Variants in RABGAP1 observed in about 807,000 individuals in gnomAD.
The protein encoded by RABGAP1 is RAB GTPase activating protein 1, also known as rab GTPase-activating protein 1.
A neutral mutation model predicts 137.6 loss-of-function variants in RABGAP1; 23 were observed. The observed-to-expected ratio is 0.17, with a 90% CI of 0.12 to 0.24. The LOEUF (loss-of-function observed/expected upper bound fraction) is 0.24. RABGAP1 is among the 10% of genes least tolerant of loss of function. The pLI is 1.00. For synonymous variants in RABGAP1, 451 were observed against 450.7 expected (o/e 1.00, Z -0.01); for missense variants, 906 against 1,275.8 (o/e 0.71, Z 4.42).
At chr9:123,006,268 T>C (rs1374488044) in intron 10 of RABGAP1, among the ~76,000 whole-genome samples, 1 of 152,190 alleles carries the variant, frequency 6.6e-6, no homozygotes, top group African/African-American at 2.4e-5. Flanking sequence ...CTTTCCTAAC[T>C]CCCAAGTTAC....
At chr9:123,038,867 T>G (rs1354916073) in intron 13 of RABGAP1, among the ~76,000 whole-genome samples, 1 of 152,102 alleles carries the variant, frequency 6.6e-6, no homozygotes, top group Admixed American at 6.5e-5. Flanking sequence ...GGGCATCATA[T>G]AGTAAAAATG....
At chr9:123,027,861 A>G (rs930099474) in intron 13 of RABGAP1, among the ~76,000 whole-genome samples, 1 of 152,218 alleles carries the variant, frequency 6.6e-6, no homozygotes, top group African/African-American at 2.4e-5. Flanking sequence ...CTACATGAAA[A>G]TAGTGGCTGG....
intron 13 of RABGAP1, among the ~76,000 whole-genome samples, chr9:123,047,610 A>G (rs1432683271): frequency 6.6e-6 from 1 of 152,144 alleles, no homozygotes; most frequent in African/African-American, 2.4e-5. Context: ...TTTGATACTT[A>G]TTAAGATTCT....
intron 10 of RABGAP1, among the ~76,000 whole-genome samples, chr9:123,004,391 G>A (rs535731058): frequency 3.4e-4 from 51 of 152,016 alleles, no homozygotes; most frequent in Non-Finnish European, 4.9e-4. Context: ...GGGCTCAAGT[G>A]ATCCTCCTAC....
chr9:123,009,683 CAGTTT>C (rs2030624776), intron 10 of RABGAP1, among the ~76,000 whole-genome samples: 1 of 152,040 alleles, frequency 6.6e-6, no homozygotes, highest in African/African-American at 2.4e-5. Flanking sequence ...TAATTTAGGT[CAGTTT>C]AAATTATATG....
upstream of RABGAP1, among the ~76,000 whole-genome samples, chr9:122,935,951 G>A (rs1244306272): frequency 5.9e-5 from 9 of 152,052 alleles, no homozygotes; most frequent in Admixed American, 5.9e-4. Flanking sequence ...ATTTTTCCAT[G>A]ACAGTTTTTT....
chr9:123,075,096 A>G (rs1416423030), intron 17 of RABGAP1, among the ~76,000 whole-genome samples: 2 of 152,190 alleles, frequency 1.3e-5, no homozygotes, highest in Non-Finnish European at 2.9e-5. Flanking sequence ...TAAGAAAAAC[A>G]TAATTATAAA....
At chr9:123,058,988 A>G (rs1171052147) in intron 13 of RABGAP1, among the ~76,000 whole-genome samples, 1 of 152,154 alleles carries the variant, frequency 6.6e-6, no homozygotes, top group Non-Finnish European at 1.5e-5. Flanking sequence ...GTCAGCAGTG[A>G]CCCTACTTAC....
At chr9:122,934,374 G>A in the RABGAP1 span, among the ~76,000 whole-genome samples, 11,778 of 152,152 alleles carry the variant, frequency 0.077, 1,638 homozygotes, top group East Asian at 0.62. Flanking sequence ...CACCACGCCC[G>A]GCCTCTAACC....
chr9:123,025,477 G>C (rs1588290188), intron 13 of RABGAP1, among the ~76,000 whole-genome samples: 2 of 148,314 alleles, frequency 1.3e-5, no homozygotes, highest in Non-Finnish European at 1.5e-5. Context: ...TTACATACCA[G>C]TTGAAGGTAT....
At chr9:122,966,795 C>A (rs919358039) in intron 2 of RABGAP1, among the ~76,000 whole-genome samples, 3 of 152,170 alleles carry the variant, frequency 2.0e-5, no homozygotes, top group African/African-American at 7.2e-5. Context: ...CAGTTCCACA[C>A]ATCTGGGGAG....
intron 13 of RABGAP1, among the ~76,000 whole-genome samples, chr9:123,040,191 A>G (rs600216): frequency 0.76 from 115,012 of 152,078 alleles, 45,441 homozygotes; most frequent in Middle Eastern, 0.89. Context: ...ACTGTTCTCT[A>G]CTTTATCTGG....
At position 122,996,022 on chromosome 9, in the gene RABGAP1, G is replaced by A; in HGVS notation, c.924-19G>A. On this transcript the variant is annotated intron_variant, in intron 6 of 25. Transcript: ENST00000373647. ...CAAGAAAATGCTTTGCAAAATTAAT[G>A]AAACATGTTGGTCTACAGTGCAGTT... The A allele has an allele frequency of 1.9e-6, 3 of 1,553,948 alleles. No homozygotes were observed. The highest frequency in any genetic ancestry group is 2.6e-6 in the Non-Finnish European group (3 of 1,157,458).
At chr9:122,972,978 T>TA (rs10686868) in intron 2 of RABGAP1, among the ~76,000 whole-genome samples, 31,466 of 145,002 alleles carry the variant, frequency 0.22, 4,740 homozygotes, top group East Asian at 0.64. Context: ...CTTTATATAT[T>TA]AAAAAAAAAA....
chr9:123,079,219 TTG>T (rs1340778327), intron 19 of RABGAP1, among the ~76,000 whole-genome samples: 2 of 73,152 alleles, frequency 2.7e-5, no homozygotes, highest in South Asian at 1.7e-3. Flanking sequence ...GTTTGTTTTT[TTG>T]TTTTTTTGTT....
intron 3 of RABGAP1, among the ~76,000 whole-genome samples, chr9:122,985,522 G>A (rs758140132): frequency 6.6e-6 from 1 of 151,182 alleles, no homozygotes; most frequent in South Asian, 2.1e-4. Context: ...TGAGGCAGCG[G>A]GAATTGCTTG....
chr9:123,027,534 T>C (rs899244500), intron 13 of RABGAP1, among the ~76,000 whole-genome samples: 2 of 152,268 alleles, frequency 1.3e-5, no homozygotes, highest in Non-Finnish European at 2.9e-5. Flanking sequence ...TGTTTTGCTT[T>C]TTAATTAACA....
intron 19 of RABGAP1, among the ~76,000 whole-genome samples, chr9:123,079,217 T>G (rs1276280801): frequency 6.9e-6 from 1 of 144,522 alleles, no homozygotes; most frequent in African/African-American, 2.5e-5. Context: ...TTGTTTGTTT[T>G]TTTGTTTTTT....
chr9:122,952,767 C>T (rs1013785932), intron 1 of RABGAP1, among the ~76,000 whole-genome samples: 1 of 152,156 alleles, frequency 6.6e-6, no homozygotes, highest in African/African-American at 2.4e-5. Flanking sequence ...CTTGCATCCA[C>T]CAACCTGCCC....
Sources: gnomAD v4.1 joint callset for allele counts (sites outside exome capture counted in the v4.1 genomes callset) on GRCh38, gnomAD v4.1.1 for gene constraint, MANE v1.5 for transcripts, NCBI Gene and HGNC (gene_info 2026-07-23, HGNC 2026-07-21) for gene names.